GTPBP6: variants seen among roughly 807,000 people sequenced by gnomAD.
GTPBP6 encodes the protein putative GTP-binding protein 6.
Under a neutral mutation model 28.9 loss-of-function variants are expected in GTPBP6, and 33 were observed. The ratio of observed to expected loss-of-function variants is 1.14; its 90% CI spans 0.87 to 1.53. GTPBP6 has a LOEUF of 1.53. GTPBP6 is among the 40% of genes most tolerant of loss of function. The pLI, the probability that GTPBP6 is intolerant of heterozygous loss-of-function variation, is 0.00. For synonymous variants in GTPBP6, 231 were observed against 192.7 expected (o/e 1.20, Z -1.65); for missense variants, 507 against 408.3 (o/e 1.24, Z -2.08).
intron 1 of GTPBP6, 22 bp downstream of exon 1, chrX:318,417 C>A (rs2070480380): frequency 2.5e-6 from 1 of 398,646 alleles, no homozygotes; most frequent in Admixed American, 4.4e-5. Flanking sequence ...TGTTTCTCCC[C>A]CGAAAGCCCT....
At position 306,896 on chromosome X, in the gene GTPBP6, C is replaced by T. The variant is rs112966223; in HGVS notation, c.1427+464G>A. Among the ~76,000 whole-genome samples, 115 of 66,126 alleles carry T rather than the reference C, an allele frequency of 1.7e-3. 3 individuals carry two copies. Among genetic ancestry groups the T allele is most frequent in the African/African-American group, 6.8e-3 (95 of 14,026 alleles). 43.4% of individuals were successfully genotyped at this position (66,126 alleles called of 152,430 possible). A position where few individuals can be genotyped will look rare whatever the true frequency, so the allele number is the denominator to read the frequency against. On this transcript the variant is annotated intron_variant, in intron 9 of 9. Transcript: ENST00000326153. ...ATGCAGTCAGAAATGTACATTTTGA[C>T]TGTCAGCACAGATTAGGCACCTGTT...
intron 2 of GTPBP6, 44 bp from the exon 3 acceptor site, chrX:315,343 C>A: frequency 2.5e-6 from 1 of 398,484 alleles, no homozygotes; most frequent in African/African-American, 2.1e-5. Context: ...CCGTCCACAC[C>A]CGTGGACTGT....
At chrX:311,837 G>A (rs1202855831) in intron 6 of GTPBP6, 19 of 606,314 alleles carry the variant, frequency 3.1e-5, no homozygotes, top group Admixed American at 2.6e-4. Flanking sequence ...GAGCGGGGCC[G>A]CCGTGCGGAC....
At chrX:318,761 G>A (rs1260310119) in exon 1 of GTPBP6, 8 of 313,292 alleles carry the variant, frequency 2.6e-5, no homozygotes, top group African/African-American at 1.8e-4. Context: ...GCAGCCCCGG[G>A]CGTACGGCGG....
intron 2 of GTPBP6, among the ~76,000 whole-genome samples, chrX:315,551 C>G (rs2070414893): frequency 8.8e-6 from 1 of 113,672 alleles, no homozygotes; most frequent in African/African-American, 3.2e-5. Flanking sequence ...CATACACACG[C>G]AGACACACAC....
At chrX:317,720 CACCCCACCCCACGG>C (rs1291805431) in intron 1 of GTPBP6, among the ~76,000 whole-genome samples, 16 of 135,020 alleles carry the variant, frequency 1.2e-4, no homozygotes, top group Admixed American at 6.7e-4. Flanking sequence ...CACCCCACCC[CACCCCACCCCACGG>C]ACCCCACGGG....
chrX:311,558 G>A (rs369259471), exon 7 of GTPBP6: 12 of 1,612,284 alleles, frequency 7.4e-6, no homozygotes, highest in Non-Finnish European at 9.3e-6. Context: ...GACGTCCAGC[G>A]TGGCAAACAG....
chrX:305,612 C>T (rs1180829947), intron 9 of GTPBP6, among the ~76,000 whole-genome samples: 1 of 142,996 alleles, frequency 7.0e-6, no homozygotes, highest in Non-Finnish European at 1.5e-5. Context: ...TGAGCCACTG[C>T]GCCCGGCTTT....
exon 7 of GTPBP6, chrX:311,582 T>C: frequency 6.2e-7 from 1 of 1,612,314 alleles, no homozygotes; most frequent in Non-Finnish European, 8.5e-7. Flanking sequence ...GTCCCGTGGC[T>C]GGATGGCGGC....
Position 318,434 on chromosome X carries a change from G to C in GTPBP6, c.349+5C>G, listed in dbSNP as rs1236198749. On this transcript the variant is annotated splice_donor_5th_base_variant and intron_variant, in intron 1 of 9. Coordinates refer to ENST00000326153, the Ensembl canonical transcript of GTPBP6. The stretch of plus-strand genomic sequence containing the variant: ...TTTCTCCCCCGAAAGCCCTGCCGCG[G>C]TCACCTCGAGTCATCTGCGACTTCC... The C allele has an allele frequency of 1.3e-5, 5 of 398,334 alleles. No homozygotes were observed. Among genetic ancestry groups the C allele is most frequent in the African/African-American group, 2.1e-5 (1 of 48,590 alleles). 24.7% of individuals were successfully genotyped at this position (398,334 alleles called of 1,614,324 possible). A position where few individuals can be genotyped will look rare whatever the true frequency, so the allele number is the denominator to read the frequency against.
chrX:306,467 T>G (rs1275429452), intron 9 of GTPBP6, among the ~76,000 whole-genome samples: 1 of 143,920 alleles, frequency 6.9e-6, no homozygotes, highest in African/African-American at 2.9e-5. Flanking sequence ...CAGTCAGAAA[T>G]GTACATTGAG....
intron 2 of GTPBP6, among the ~76,000 whole-genome samples, chrX:316,535 C>A (rs2124477752): frequency 6.6e-6 from 1 of 152,278 alleles, no homozygotes; most frequent in South Asian, 2.1e-4. Context: ...GCAAGGATCG[C>A]ATGCTGGACC....
At chrX:308,307 T>A (rs2070215707) in intron 7 of GTPBP6, among the ~76,000 whole-genome samples, 2 of 151,564 alleles carry the variant, frequency 1.3e-5, no homozygotes. Context: ...GGCAGGCTCC[T>A]TACACAAAAT....
exon 10 of GTPBP6, chrX:305,001 C>A: frequency 6.3e-7 from 1 of 1,579,264 alleles, no homozygotes; most frequent in East Asian, 2.3e-5. Flanking sequence ...CCAAGCTGCC[C>A]CCAACACAGC....
chrX:308,011 C>G (rs1409257302), intron 7 of GTPBP6, 131 bp from the exon 8 acceptor site: 1 of 783,968 alleles, frequency 1.3e-6, no homozygotes, highest in African/African-American at 1.8e-5. Flanking sequence ...CGCCTGTGTG[C>G]AGGCCCCTCG....
Position 315,000 on chromosome X carries a change from C to T in GTPBP6, c.579G>A (p.Trp193Ter), listed in dbSNP as rs2070403095. The T allele has an allele frequency of 2.5e-6, 1 of 398,558 alleles. No individual in the cohort carries two copies. Among genetic ancestry groups the T allele is most frequent in the Non-Finnish European group, 4.4e-6 (1 of 226,084 alleles). The allele number at this position is 398,558 out of a possible 1,614,324, so 24.7% of individuals were successfully genotyped here. The change falls in exon 4 of 10, where the codon TGG becomes TGA. Residue 193 changes from tryptophan to a stop codon, truncating the protein, a stop_gained. Coordinates refer to ENST00000326153, the Ensembl canonical transcript of GTPBP6. LOFTEE classifies it high-confidence loss of function. ...TGAAGCGGTCAAACACCTCCACGCCCCAGGCGGCTTCCAGTTCTTTCTGCA... is the reference window on the plus strand; with the variant it reads ...TGAAGCGGTCAAACACCTCCACGCCTCAGGCGGCTTCCAGTTCTTTCTGCA...
rs1356883910 is a variant in GTPBP6, at chrX:312,295, G to A, written c.916+471C>T. The A allele has an allele frequency of 6.8e-6, 3 of 442,552 alleles. 1 individual carries two copies. Among genetic ancestry groups the A allele is most frequent in the Non-Finnish European group, 1.4e-5 (3 of 221,040 alleles). 27.4% of individuals were successfully genotyped at this position (442,552 alleles called of 1,614,324 possible). ...GGGAACATTGTGGTGTACACGGGTG[G>A]ATTATGTAGACGGGGTGGTGGTATA... On this transcript the variant is annotated intron_variant, in intron 6 of 9. Coordinates refer to ENST00000326153, the Ensembl canonical transcript of GTPBP6.
At chrX:312,621 TGG>T (rs1239777437) in intron 6 of GTPBP6, 143 bp downstream of exon 6, 2 of 846,928 alleles carry the variant, frequency 2.4e-6, no homozygotes, top group African/African-American at 1.7e-5. Flanking sequence ...ACGGCGACCA[TGG>T]GAACCCCCTC....
At chrX:305,385 G>A (rs761181525) in intron 9 of GTPBP6, among the ~76,000 whole-genome samples, 188 bp from the exon 10 acceptor site, 3 of 149,806 alleles carry the variant, frequency 2.0e-5, no homozygotes, top group East Asian at 2.0e-4. Flanking sequence ...GCAGTGGCGC[G>A]ATCTCAGCTC....
Sources: gnomAD v4.1 joint callset for allele counts (sites outside exome capture counted in the v4.1 genomes callset) on GRCh38, gnomAD v4.1.1 for gene constraint, MANE v1.5 for transcripts, NCBI Gene and HGNC (gene_info 2026-07-23, HGNC 2026-07-21) for gene names.